BMP6: variants seen among roughly 807,000 people sequenced by gnomAD.
BMP6 encodes the protein bone morphogenetic protein 6.
BMP6 carries 17 observed loss-of-function variants against 54.1 expected under a neutral mutation model. That is an observed-to-expected ratio of 0.31 (90% confidence interval 0.22 to 0.47). The LOEUF is 0.47. Ranked by LOEUF, BMP6 falls within the 20% of genes least tolerant of loss-of-function variation. The probability of loss-of-function intolerance (pLI) is 1.00; values close to 1 mark genes in which losing one functional copy is unlikely to be tolerated. For missense variants in BMP6, 720 were observed against 690.4 expected, an observed-to-expected ratio of 1.04 and a Z score of -0.48; for synonymous variants, 328 against 291.2, an observed-to-expected ratio of 1.13 and a Z score of -1.28.
At chr6:7,779,688 T>C (rs1014031890) in intron 1 of BMP6, among the ~76,000 whole-genome samples, 34 of 152,314 alleles carry the variant, frequency 2.2e-4, no homozygotes, top group African/African-American at 7.0e-4. Context: ...TACTCTTACA[T>C]AGAACATTCT....
At chr6:7,765,779 G>T (rs972027902) in intron 1 of BMP6, among the ~76,000 whole-genome samples, 2 of 152,230 alleles carry the variant, frequency 1.3e-5, no homozygotes, top group African/African-American at 4.8e-5. Context: ...TCAAGGTGCC[G>T]GCAGGGCCGT....
At chr6:7,805,989 C>G (rs1008550371) in intron 1 of BMP6, among the ~76,000 whole-genome samples, 6 of 152,178 alleles carry the variant, frequency 3.9e-5, no homozygotes, top group Non-Finnish European at 8.8e-5. Flanking sequence ...GAAGTGTCCA[C>G]TTGGAAAGAA....
In BMP6 at chr6:7,792,436, A is replaced by G. The variant is rs547995746; in HGVS notation, c.665-52704A>G. 8.5e-5 allele frequency among the ~76,000 whole-genome samples: 13 copies of G among 152,324 alleles called. No individual in the cohort carries two copies. The South Asian group carries it at 2.7e-3, about 32-fold the overall frequency. On this transcript the variant is annotated intron_variant, in intron 1 of 6. Transcript: ENST00000283147. ...TTCCCACACCACACATCTTCTAAAC[A>G]GTATTTTACTATATTGAAGTGGGCT...
chr6:7,858,791 GC>G (rs1759287853), intron 2 of BMP6, among the ~76,000 whole-genome samples: 1 of 149,226 alleles, frequency 6.7e-6, no homozygotes, highest in Non-Finnish European at 1.5e-5. Flanking sequence ...CCTTCCAGAG[GC>G]CCCGAGCATC....
At chr6:7,742,393 C>T (rs540769115) in intron 1 of BMP6, among the ~76,000 whole-genome samples, 3 of 152,304 alleles carry the variant, frequency 2.0e-5, no homozygotes, top group South Asian at 2.1e-4. Flanking sequence ...ACGCAGGTGC[C>T]GTTGCAGAAT....
At position 7,760,062 on chromosome 6, in the gene BMP6, C is replaced by CTT. The variant is rs10587005; in HGVS notation, c.664+32463_664+32464dup. On this transcript the variant is annotated intron_variant, in intron 1 of 6. Coordinates refer to ENST00000283147, the MANE Select transcript of BMP6 (RefSeq NM_001718.6). ...TCACATCTTAATTTTTATTTTTCAA[C>CTT]TTTTTTTTTTTTTTTTTTTTTAGAT... 1.1e-3 allele frequency among the ~76,000 whole-genome samples: 127 copies of CTT among 114,456 alleles called. 1 individual carries two copies. The highest frequency in any genetic ancestry group is 4.1e-3 in the African/African-American group (118 of 29,076). 75.1% of individuals were successfully genotyped at this position (114,456 alleles called of 152,430 possible).
At chr6:7,832,347 G>C (rs536539530) in intron 1 of BMP6, among the ~76,000 whole-genome samples, 3 of 152,202 alleles carry the variant, frequency 2.0e-5, no homozygotes, top group Non-Finnish European at 2.9e-5. Flanking sequence ...CCTCATGAAT[G>C]AGATTAGTGC....
intron 1 of BMP6, among the ~76,000 whole-genome samples, chr6:7,734,678 G>A (rs964578287): frequency 1.3e-5 from 2 of 152,212 alleles, no homozygotes; most frequent in African/African-American, 2.4e-5. Context: ...TGAAAACCAC[G>A]TTGCTCTGAG....
intron 1 of BMP6, among the ~76,000 whole-genome samples, chr6:7,728,496 C>T (rs1025273801): frequency 6.7e-6 from 1 of 150,310 alleles, no homozygotes; most frequent in Non-Finnish European, 1.5e-5. Flanking sequence ...GACCCAGTCA[C>T]ATCGCCCTTT....
chr6:7,728,644 A>G (rs549164195), intron 1 of BMP6, among the ~76,000 whole-genome samples: 72 of 152,150 alleles, frequency 4.7e-4, no homozygotes, highest in Middle Eastern at 3.4e-3. Context: ...CAGACATAGG[A>G]TGGAGGGACG....
intron 2 of BMP6, among the ~76,000 whole-genome samples, chr6:7,853,756 G>A (rs1026462993): frequency 6.6e-6 from 1 of 152,162 alleles, no homozygotes; most frequent in Admixed American, 6.5e-5. Flanking sequence ...TGTGGGCCTC[G>A]AGAGGCAAGC....
intron 1 of BMP6, among the ~76,000 whole-genome samples, chr6:7,777,418 T>C (rs1757877702): frequency 6.6e-6 from 1 of 152,218 alleles, no homozygotes; most frequent in African/African-American, 2.4e-5. Flanking sequence ...ATGAATACTT[T>C]CTTCCAAGTA....
chr6:7,825,197 C>T (rs1055891783), intron 1 of BMP6, among the ~76,000 whole-genome samples: 8 of 147,738 alleles, frequency 5.4e-5, no homozygotes, highest in African/African-American at 2.0e-4. Flanking sequence ...GCACACACCT[C>T]TAGTTCCAGG....
At chr6:7,864,104 C>A (rs1007610172) in intron 4 of BMP6, among the ~76,000 whole-genome samples, 4 of 151,964 alleles carry the variant, frequency 2.6e-5, no homozygotes, top group Non-Finnish European at 1.5e-5. Flanking sequence ...AGTGGATGTT[C>A]CCTCCCCACA....
chr6:7,781,335 C>CTCGTGTTGAGTTTGA (rs1457748881), intron 1 of BMP6, among the ~76,000 whole-genome samples: 1 of 151,722 alleles, frequency 6.6e-6, no homozygotes, highest in Non-Finnish European at 1.5e-5. Flanking sequence ...CTCGTTCATA[C>CTCGTGTTGAGTTTGA]GTACCATGCC....
At position 7,727,588 on chromosome 6, in the gene BMP6, C is replaced by A. The variant is rs781224006; in HGVS notation, c.633C>A (p.Asp211Glu). Residue 211 changes from aspartate (D) to glutamate (E), a missense_variant, in exon 1 of 7, where the codon GAC (aspartate) becomes GAA (glutamate). Coordinates refer to ENST00000283147, the MANE Select transcript of BMP6 (RefSeq NM_001718.6). The part of the protein sequence containing the change: ...TSAQDSAFLN[D>E]ADMVMSFVNL... ...CGCAGGACAGCGCCTTCCTCAACGACGCGGACATGGTCATGAGCTTTGTGA... is the reference window on the plus strand; with the variant it reads ...CGCAGGACAGCGCCTTCCTCAACGAAGCGGACATGGTCATGAGCTTTGTGA... The A allele has an allele frequency of 1.3e-6, 2 of 1,578,776 alleles. No homozygotes were observed. Among genetic ancestry groups the A allele is most frequent in the Non-Finnish European group, 1.7e-6 (2 of 1,171,594 alleles).
intron 1 of BMP6, among the ~76,000 whole-genome samples, chr6:7,727,958 A>G (rs1422490816): frequency 2.0e-5 from 3 of 151,876 alleles, no homozygotes; most frequent in Non-Finnish European, 4.4e-5. Flanking sequence ...AGCTCTGGCC[A>G]GGTTAACTCA....
At chr6:7,814,875 T>C (rs771915832) in intron 1 of BMP6, among the ~76,000 whole-genome samples, 1 of 152,170 alleles carries the variant, frequency 6.6e-6, no homozygotes, top group Non-Finnish European at 1.5e-5. Context: ...CATGCAGGGC[T>C]TAAAACCTAG....
At chr6:7,759,191 A>G (rs1289934243) in intron 1 of BMP6, among the ~76,000 whole-genome samples, 2 of 151,670 alleles carry the variant, frequency 1.3e-5, no homozygotes, top group African/African-American at 4.9e-5. Context: ...GTTCCTCATT[A>G]CCATATATGT....
Sources: gnomAD v4.1 joint callset for allele counts (sites outside exome capture counted in the v4.1 genomes callset) on GRCh38, gnomAD v4.1.1 for gene constraint, MANE v1.5 for transcripts, NCBI Gene and HGNC (gene_info 2026-07-23, HGNC 2026-07-21) for gene names.